The following ERGIC1 variants were observed in gnomAD, a reference collection of about 807,000 sequenced individuals.
ERGIC1 encodes the protein endoplasmic reticulum-Golgi intermediate compartment protein 1.
ERGIC1 carries 19 observed loss-of-function variants against 38.3 expected under a neutral mutation model. That is an observed-to-expected ratio of 0.50 (90% CI 0.35 to 0.73). The LOEUF is 0.73. Among genes scored for constraint, ERGIC1 ranks in the 30% least tolerant of loss-of-function variants. The pLI is 0.01. For synonymous variants in ERGIC1, 124 were observed against 157.6 expected, an observed-to-expected ratio of 0.79 and a Z score of 1.60; for missense variants, 294 against 389.2, an observed-to-expected ratio of 0.76 and a Z score of 2.06.
At chr5:172,945,647 T>C (rs1764104860) in intron 9 of ERGIC1, among the ~76,000 whole-genome samples, 1 of 151,944 alleles carries the variant, frequency 6.6e-6, no homozygotes. Context: ...AGATGTATTT[T>C]CAGTAGAGCC....
chr5:172,941,208 G>A (rs910761021), intron 9 of ERGIC1, among the ~76,000 whole-genome samples: 3 of 151,484 alleles, frequency 2.0e-5, no homozygotes, highest in African/African-American at 7.3e-5. Context: ...GATCTTGGCA[G>A]TAAGCCAAGA....
intron 3 of ERGIC1, among the ~76,000 whole-genome samples, chr5:172,907,394 C>G (rs957734076): frequency 2.6e-5 from 4 of 152,124 alleles, no homozygotes; most frequent in African/African-American, 9.7e-5. Flanking sequence ...CCCACCTCTA[C>G]TAAAAATACA....
chr5:172,932,319 C>A, intron 7 of ERGIC1, 117 bp from the exon 8 acceptor site: 1 of 957,490 alleles, frequency 1.0e-6, no homozygotes, highest in Non-Finnish European at 1.6e-6. Flanking sequence ...GGTGGTAAAA[C>A]TGGGGAATGA....
chr5:172,854,307 G>A (rs746946037), intron 1 of ERGIC1, among the ~76,000 whole-genome samples: 1 of 152,128 alleles, frequency 6.6e-6, no homozygotes, highest in Non-Finnish European at 1.5e-5. Flanking sequence ...ACTTGAGCCC[G>A]GGAGGTTGAG....
intron 3 of ERGIC1, chr5:172,897,805 C>T (rs929401554): frequency 2.4e-6 from 1 of 413,944 alleles, no homozygotes; most frequent in Non-Finnish European, 4.4e-6. Context: ...AGCGCCCGGC[C>T]CCCTGGACTA....
intron 1 of ERGIC1, among the ~76,000 whole-genome samples, chr5:172,864,155 C>G (rs932309056): frequency 1.3e-5 from 2 of 151,780 alleles, no homozygotes; most frequent in Non-Finnish European, 2.9e-5. Context: ...TGAGATCACG[C>G]CACTGCACTC....
intron 1 of ERGIC1, among the ~76,000 whole-genome samples, chr5:172,860,239 A>G (rs1236388159): frequency 1.3e-5 from 2 of 152,204 alleles, no homozygotes; most frequent in Admixed American, 1.3e-4. Flanking sequence ...GAACTAGCAG[A>G]GGAGGGCAGG....
At chr5:172,942,343 C>T (rs970251443) in intron 9 of ERGIC1, among the ~76,000 whole-genome samples, 11 of 152,232 alleles carry the variant, frequency 7.2e-5, no homozygotes, top group Non-Finnish European at 1.0e-4. Context: ...TCCCATATGC[C>T]GCCTCGGTTC....
intron 2 of ERGIC1, among the ~76,000 whole-genome samples, chr5:172,890,465 G>C (rs78967560): frequency 6.6e-6 from 1 of 152,212 alleles, no homozygotes; most frequent in Non-Finnish European, 1.5e-5. Flanking sequence ...CTGTACTAAT[G>C]TTCAATTCTT....
intron 8 of ERGIC1, chr5:172,932,792 G>GTCTC: frequency 2.0e-6 from 1 of 488,986 alleles, no homozygotes; most frequent in South Asian, 2.3e-5. Context: ...AGAGCAGGTA[G>GTCTC]TCTCTGTCCT....
intron 1 of ERGIC1, among the ~76,000 whole-genome samples, chr5:172,852,399 T>TGGATGC (rs1761432647): frequency 6.6e-6 from 1 of 152,120 alleles, no homozygotes; most frequent in South Asian, 2.1e-4. Context: ...CCTCATACAG[T>TGGATGC]CTTCTTAGTG....
At position 172,926,380 on chromosome 5, in the gene ERGIC1, G is replaced by A. The variant is rs985406943; in HGVS notation, c.481-129G>A. On this transcript the variant is annotated intron_variant, in intron 6 of 9. Coordinates refer to ENST00000393784, the MANE Select transcript of ERGIC1 (RefSeq NM_001031711.3). The surrounding 1 kb of genome is among the most constrained non-coding windows in gnomAD (Gnocchi z 5.2). The stretch of plus-strand genomic sequence containing the variant: ...GCTGCCTCTTGCTCCCCACAAATCC[G>A]CTGGAGCCCCCTTTTACACATTGGT... 67 of 947,024 alleles carry A rather than the reference G, an allele frequency of 7.1e-5. No homozygotes were observed. The African/African-American group carries it at 8.0e-4, about 11-fold the overall frequency. The allele number at this position is 947,024 out of a possible 1,614,324, so 58.7% of individuals were successfully genotyped here.
chr5:172,890,814 C>CCGGGCAGT (rs1405987605), intron 2 of ERGIC1, among the ~76,000 whole-genome samples: 2 of 150,450 alleles, frequency 1.3e-5, no homozygotes, highest in African/African-American at 5.0e-5. Flanking sequence ...GGGTCCTGGG[C>CCGGGCAGT]CGGGCAGTCG....
chr5:172,871,123 G>A (rs1470033792), intron 1 of ERGIC1, among the ~76,000 whole-genome samples: 2 of 152,238 alleles, frequency 1.3e-5, no homozygotes, highest in African/African-American at 2.4e-5. Context: ...GCATGTGCCC[G>A]GTAGTAACAG....
intron 1 of ERGIC1, among the ~76,000 whole-genome samples, chr5:172,850,795 T>C (rs901247762): frequency 2.0e-5 from 3 of 152,210 alleles, no homozygotes; most frequent in Admixed American, 6.5e-5. Context: ...GGTTGCAAAC[T>C]GGTGGCATCA....
At chr5:172,948,316 G>T (rs1196382950) in intron 9 of ERGIC1, among the ~76,000 whole-genome samples, 2 of 152,176 alleles carry the variant, frequency 1.3e-5, no homozygotes, top group African/African-American at 4.8e-5. Context: ...AATAAACACT[G>T]GTTTGATTCG....
rs955631983 is a variant in ERGIC1 at position 172,950,889 on chromosome 5, C to T, written c.*73C>T. 7.4e-7 allele frequency: 1 copy of T among 1,356,628 alleles called. No homozygotes were observed. Among genetic ancestry groups the T allele is most frequent in the Non-Finnish European group, 1.0e-6 (1 of 988,172 alleles). 84.0% of individuals were successfully genotyped at this position (1,356,628 alleles called of 1,614,324 possible). A position where few individuals can be genotyped will look rare whatever the true frequency, so the allele number is the denominator to read the frequency against. ...GCCTCCAGTGCCCTGTCTCCTTTGGCCCTCAATCTGGTCCCAAATCTGGCT... is the reference window on the plus strand; with the variant it reads ...GCCTCCAGTGCCCTGTCTCCTTTGGTCCTCAATCTGGTCCCAAATCTGGCT... On this transcript the variant is annotated 3_prime_UTR_variant, in exon 10 of 10. Transcript: ENST00000393784.
At chr5:172,934,290 G>C (rs1183349129) in intron 8 of ERGIC1, 1 of 152,316 alleles carries the variant, frequency 6.6e-6, no homozygotes, top group East Asian at 1.9e-4. Flanking sequence ...TTAGCACCTT[G>C]AAGTGCCCAA....
At position 172,926,694 on chromosome 5, in the gene ERGIC1, C is replaced by A; in HGVS notation, c.541+125C>A. 1.9e-6 allele frequency: 2 copies of A among 1,032,824 alleles called. No individual in the cohort carries two copies. The highest frequency in any genetic ancestry group is 2.9e-6 in the Non-Finnish European group (2 of 684,346). 64.0% of individuals were successfully genotyped at this position (1,032,824 alleles called of 1,614,324 possible). A position where few individuals can be genotyped will look rare whatever the true frequency, so the allele number is the denominator to read the frequency against. ...ACTCCAAGGCAGGGAGGCTGCTGCTCACACTCCATTCCCACAGCTAACCAG... is the reference window on the plus strand; with the variant it reads ...ACTCCAAGGCAGGGAGGCTGCTGCTAACACTCCATTCCCACAGCTAACCAG... On this transcript the variant is annotated intron_variant, in intron 7 of 9. Coordinates refer to ENST00000393784, the MANE Select transcript of ERGIC1 (RefSeq NM_001031711.3). The surrounding 1 kb of genome is among the most constrained non-coding windows in gnomAD (Gnocchi z 5.2).
Sources: allele counts gnomAD v4.1 joint callset (sites outside exome capture counted in the v4.1 genomes callset), GRCh38; gene constraint gnomAD v4.1.1; non-coding constraint Gnocchi (gnomAD v3.1); transcripts MANE v1.5; gene names NCBI Gene and HGNC (gene_info 2026-07-23, HGNC 2026-07-21).